The following ZMIZ1 variants were observed in gnomAD, a reference collection of about 807,000 sequenced individuals.
The protein encoded by ZMIZ1 is zinc finger MIZ domain-containing protein 1.
In ZMIZ1, 17 loss-of-function variants were observed where a neutral mutation model predicts 113.9. That is an observed-to-expected ratio of 0.15 (90% confidence interval 0.10 to 0.22). ZMIZ1 has a LOEUF of 0.22. ZMIZ1 is among the 10% of genes least tolerant of loss of function. ZMIZ1 has a pLI of 1.00. For missense variants in ZMIZ1, 1,059 were observed against 1,477.8 expected, an observed-to-expected ratio of 0.72 and a Z score of 4.65; for synonymous variants, 607 against 603.1, an observed-to-expected ratio of 1.01 and a Z score of -0.09.
At chr10:79,286,845 C>G (rs1395740074) in intron 8 of ZMIZ1, among the ~76,000 whole-genome samples, 1 of 152,244 alleles carries the variant, frequency 6.6e-6, no homozygotes, top group Non-Finnish European at 1.5e-5. Flanking sequence ...TGGCCACAGG[C>G]AGGGCCCTGC....
intron 3 of ZMIZ1, among the ~76,000 whole-genome samples, chr10:79,159,282 C>T (rs1403611466): frequency 6.6e-6 from 1 of 152,254 alleles, no homozygotes; most frequent in Non-Finnish European, 1.5e-5. Context: ...CCCTGAACTC[C>T]CCAGGAGGCC....
intron 4 of ZMIZ1, among the ~76,000 whole-genome samples, chr10:79,162,365 G>A (rs1246468687): frequency 6.6e-6 from 1 of 152,210 alleles, no homozygotes; most frequent in Non-Finnish European, 1.5e-5. Flanking sequence ...CAGCTGCTAG[G>A]GGTGGGGGCT....
rs1853943117 is a variant in ZMIZ1 at position 79,296,989 on chromosome 10, T to C, written c.1413+336T>C. ...AACATTTCATTCTAAACTTTGTATGTGCAGGTGGGCACTAACATGTTATAA... is the reference window on the plus strand; with the variant it reads ...AACATTTCATTCTAAACTTTGTATGCGCAGGTGGGCACTAACATGTTATAA... On this transcript the variant is annotated intron_variant, in intron 13 of 24. Coordinates refer to ENST00000334512, the MANE Select transcript of ZMIZ1 (RefSeq NM_020338.4). The surrounding 1 kb of genome is among the most constrained non-coding windows in gnomAD (Gnocchi z 4.1). 1 of 225,100 alleles carries C rather than the reference T, an allele frequency of 4.4e-6. No individual in the cohort carries two copies. The highest frequency in any genetic ancestry group is 8.6e-6 in the Non-Finnish European group (1 of 116,452). The allele number at this position is 225,100 out of a possible 1,614,324, so 13.9% of individuals were successfully genotyped here.
At chr10:79,154,753 C>T (rs912297894) in intron 3 of ZMIZ1, among the ~76,000 whole-genome samples, 7 of 152,140 alleles carry the variant, frequency 4.6e-5, no homozygotes, top group Non-Finnish European at 1.0e-4. Context: ...GGTGGTTCTA[C>T]GAAGCCCAGC....
At chr10:79,228,970 A>G (rs919122890) in intron 7 of ZMIZ1, among the ~76,000 whole-genome samples, 5 of 152,228 alleles carry the variant, frequency 3.3e-5, no homozygotes, top group African/African-American at 1.2e-4. Flanking sequence ...AGGGCTCTGC[A>G]TGTAATAGTT....
chr10:79,124,919 G>A (rs1015603435), intron 2 of ZMIZ1, among the ~76,000 whole-genome samples: 28 of 152,228 alleles, frequency 1.8e-4, no homozygotes, highest in African/African-American at 6.8e-4. Context: ...AAAAGAGACT[G>A]CAGGGCAGTG....
At chr10:79,308,860 C>T (rs571257796) in intron 23 of ZMIZ1, among the ~76,000 whole-genome samples, 37 of 152,138 alleles carry the variant, frequency 2.4e-4, no homozygotes, top group Middle Eastern at 3.2e-3. Flanking sequence ...CTGATGCCGT[C>T]TATTTCCCCT....
At chr10:79,246,351 C>G (rs1190184996) in intron 7 of ZMIZ1, among the ~76,000 whole-genome samples, 1 of 152,246 alleles carries the variant, frequency 6.6e-6, no homozygotes, top group African/African-American at 2.4e-5. Flanking sequence ...GCGGGAGCGC[C>G]AGCTCAGCCT....
chr10:79,135,903 G>A (rs1440783920), intron 2 of ZMIZ1, among the ~76,000 whole-genome samples: 2 of 145,506 alleles, frequency 1.4e-5, no homozygotes, highest in Admixed American at 6.8e-5. Flanking sequence ...CCCACCCGCC[G>A]CCGCTGTGTC....
intron 7 of ZMIZ1, among the ~76,000 whole-genome samples, chr10:79,240,998 G>C (rs1011510368): frequency 4.6e-5 from 7 of 152,132 alleles, no homozygotes; most frequent in African/African-American, 1.4e-4. Flanking sequence ...AAACATGCGG[G>C]TCTTTGGTGG....
chr10:79,070,857 C>G (rs995142650), intron 1 of ZMIZ1, among the ~76,000 whole-genome samples: 2 of 152,108 alleles, frequency 1.3e-5, no homozygotes, highest in East Asian at 3.9e-4. Context: ...TCCCTCCCTC[C>G]CGCTGCTCCT....
chr10:79,215,453 C>A (rs1319246407), intron 6 of ZMIZ1, among the ~76,000 whole-genome samples: 1 of 152,112 alleles, frequency 6.6e-6, no homozygotes, highest in Non-Finnish European at 1.5e-5. Flanking sequence ...GCGCCTGCCA[C>A]ACACTCGGCT....
chr10:79,294,938 A>C (rs944767804), intron 12 of ZMIZ1: 1 of 93,972 alleles, frequency 1.1e-5, no homozygotes, highest in Non-Finnish European at 2.2e-5. Flanking sequence ...AGGAGGGGAG[A>C]GAGAGGGGGG....
intron 16 of ZMIZ1, 128 bp from the exon 17 acceptor site, chr10:79,300,604 C>A: frequency 2.5e-6 from 3 of 1,178,658 alleles, no homozygotes; most frequent in South Asian, 1.5e-5. Flanking sequence ...TCATTGGGGT[C>A]AGGGATGGGG....
At position 79,114,258 on chromosome 10, in the gene ZMIZ1, T is replaced by C. The variant is rs555150092; in HGVS notation, c.-336-4657T>C. Reference sequence around the variant, plus strand: ...AGCTGTTTAATTTTTTCCCCCTGTTTAATGGCTATCAATAATTTAATACGC... The same window carrying C: ...AGCTGTTTAATTTTTTCCCCCTGTTCAATGGCTATCAATAATTTAATACGC... On this transcript the variant is annotated intron_variant, in intron 1 of 24. Transcript: ENST00000334512. 2.0e-5 allele frequency among the ~76,000 whole-genome samples: 3 copies of C among 152,338 alleles called. No homozygotes were observed. The South Asian group carries it at 6.2e-4, about 32-fold the overall frequency.
chr10:79,302,194 G>C lies in ZMIZ1; in HGVS notation c.2107G>C (p.Glu703Gln). ...CCTCAAGAAGCGCCTCCTGCCCGCA[G>C]AGCACTGTATCACGAAAAGTGAGTC... ...GLLKKRLLPA[E>Q]HCITKIKRNF... The change falls in exon 18 of 25, where the codon GAG becomes CAG. Residue 703 changes from glutamate (E) to glutamine (Q), a missense_variant. Physicochemically the swap from Glu to Gln is conservative, Grantham distance 29. Transcript: ENST00000334512. 1 of 1,613,734 alleles carries C rather than the reference G, an allele frequency of 6.2e-7. No individual in the cohort carries two copies. The highest frequency in any genetic ancestry group is 8.5e-7 in the Non-Finnish European group (1 of 1,180,016).
intron 9 of ZMIZ1, among the ~76,000 whole-genome samples, chr10:79,290,285 T>A (rs1174619611): frequency 1.3e-5 from 2 of 152,228 alleles, no homozygotes; most frequent in Non-Finnish European, 2.9e-5. Flanking sequence ...CTTGGACTTC[T>A]GACAACTCCC....
intron 4 of ZMIZ1, among the ~76,000 whole-genome samples, chr10:79,197,811 C>T (rs982085690): frequency 6.6e-6 from 1 of 151,988 alleles, no homozygotes; most frequent in Non-Finnish European, 1.5e-5. Flanking sequence ...TGTGCCTGGA[C>T]CAGTACCTGA....
At chr10:79,113,753 A>C (rs1589286131) in intron 1 of ZMIZ1, among the ~76,000 whole-genome samples, 2 of 150,474 alleles carry the variant, frequency 1.3e-5, no homozygotes, top group Non-Finnish European at 1.5e-5. Flanking sequence ...CTTCCCTGGC[A>C]CCCCTACTCT....
Sources: gnomAD v4.1 joint callset for allele counts (sites outside exome capture counted in the v4.1 genomes callset) on GRCh38, gnomAD v4.1.1 for gene constraint, Gnocchi (gnomAD v3.1) non-coding constraint, MANE v1.5 for transcripts, NCBI Gene and HGNC (gene_info 2026-07-23, HGNC 2026-07-21) for gene names.